Variants in KCND3 observed in about 807,000 individuals in gnomAD.
KCND3 encodes the protein A-type voltage-gated potassium channel KCND3.
A neutral mutation model predicts 51.1 loss-of-function variants in KCND3; 9 were observed. The observed-to-expected ratio is 0.18, with a 90% CI of 0.11 to 0.31. The LOEUF is 0.31. Among genes scored for constraint, KCND3 ranks in the 10% least tolerant of loss-of-function variants. KCND3 has a pLI of 1.00. For missense variants in KCND3, 526 were observed against 903.8 expected (o/e 0.58, Z 5.36); for synonymous variants, 349 against 368.0 (o/e 0.95, Z 0.59).
At chr1:111,953,790 T>TCCATG (rs1187729244) in intron 2 of KCND3, among the ~76,000 whole-genome samples, 11 of 152,298 alleles carry the variant, frequency 7.2e-5, no homozygotes, top group Middle Eastern at 6.8e-3. Context: ...AGTGATAACT[T>TCCATG]CCATGCCCTG....
At chr1:111,809,498 C>T (rs1020350159) in intron 2 of KCND3, among the ~76,000 whole-genome samples, 5 of 151,982 alleles carry the variant, frequency 3.3e-5, no homozygotes, top group Non-Finnish European at 7.4e-5. Flanking sequence ...TTAGTAGAAA[C>T]GGGGTTTCAC....
intron 3 of KCND3, among the ~76,000 whole-genome samples, chr1:111,781,359 ACTTTCT>A (rs1419238285): frequency 1.3e-5 from 2 of 152,118 alleles, no homozygotes; most frequent in Non-Finnish European, 2.9e-5. Context: ...TTTTCTTGAT[ACTTTCT>A]CTTTCTCTTC....
At chr1:111,908,191 A>G (rs1044150761) in intron 2 of KCND3, among the ~76,000 whole-genome samples, 2 of 152,192 alleles carry the variant, frequency 1.3e-5, no homozygotes, top group Non-Finnish European at 2.9e-5. Flanking sequence ...TTTAGCACCT[A>G]TCATATGTCT....
At chr1:111,928,778 T>C (rs1671827109) in intron 2 of KCND3, among the ~76,000 whole-genome samples, 2 of 152,084 alleles carry the variant, frequency 1.3e-5, no homozygotes, top group African/African-American at 4.8e-5. Context: ...TCTCACGCAC[T>C]CCCTACACAG....
At chr1:111,921,376 G>T (rs1462782649) in intron 2 of KCND3, among the ~76,000 whole-genome samples, 1 of 152,174 alleles carries the variant, frequency 6.6e-6, no homozygotes, top group Non-Finnish European at 1.5e-5. Flanking sequence ...TTGGGTCAAG[G>T]CCAGGCGGTT....
At chr1:111,885,256 G>A (rs1420145333) in intron 2 of KCND3, among the ~76,000 whole-genome samples, 2 of 152,114 alleles carry the variant, frequency 1.3e-5, no homozygotes, top group African/African-American at 2.4e-5. Context: ...GATTTATGAC[G>A]GGCATCAGCC....
intron 2 of KCND3, among the ~76,000 whole-genome samples, chr1:111,929,468 T>G (rs1370526467): frequency 2.0e-5 from 3 of 152,214 alleles, no homozygotes; most frequent in African/African-American, 7.2e-5. Context: ...CGAGTGGCAC[T>G]GTTTCATCTT....
At chr1:111,890,836 C>T (rs1039899473) in intron 2 of KCND3, among the ~76,000 whole-genome samples, 6 of 152,094 alleles carry the variant, frequency 3.9e-5, no homozygotes, top group African/African-American at 1.4e-4. Flanking sequence ...AAGAGAATAA[C>T]CAACTGGCTC....
At chr1:111,976,260 A>G (rs1674618319) in intron 2 of KCND3, among the ~76,000 whole-genome samples, 1 of 152,200 alleles carries the variant, frequency 6.6e-6, no homozygotes, top group Admixed American at 6.5e-5. Flanking sequence ...GTCTGCAGGA[A>G]AAAGCGTAGC....
At chr1:111,784,531 G>C (rs1031847150) in intron 3 of KCND3, among the ~76,000 whole-genome samples, 2 of 152,196 alleles carry the variant, frequency 1.3e-5, no homozygotes, top group Non-Finnish European at 2.9e-5. Flanking sequence ...CCAGTCATGG[G>C]AAGAGGATGA....
chr1:111,855,288 G>A (rs1340776556), intron 2 of KCND3, among the ~76,000 whole-genome samples: 2 of 152,186 alleles, frequency 1.3e-5, no homozygotes, highest in African/African-American at 4.8e-5. Context: ...CCCCTCATGG[G>A]GACAAGCCTG....
chr1:111,982,176 A>T lies in KCND3; in HGVS notation c.551T>A (p.Val184Asp). The T allele has an allele frequency of 6.2e-7, 1 of 1,613,928 alleles. No individual in the cohort carries two copies. The highest frequency in any genetic ancestry group is 8.5e-7 in the Non-Finnish European group (1 of 1,179,972). Residue 184 changes from valine (V) to aspartate (D), a missense_variant, in exon 2 of 8, where the codon GTC becomes GAC. By Grantham distance (152) the Val-to-Asp change is radical. Coordinates refer to ENST00000302127, the MANE Select transcript of KCND3 (RefSeq NM_001378969.1). This position sits in a 1 kb window ranked among gnomAD's most constrained non-coding sequence, Gnocchi z 8.5. ...ENPHTSTLAL[V>D]FYYVTGFFIA... ...GAAGAAGCCAGTCACGTAGTAGAAG[A>T]CCAGGGCCAGCGTGCTGGTGTGGGG...
At chr1:111,920,776 A>G (rs1224332674) in intron 2 of KCND3, among the ~76,000 whole-genome samples, 3 of 152,220 alleles carry the variant, frequency 2.0e-5, no homozygotes, top group Non-Finnish European at 4.4e-5. Context: ...CTCCCAAGCA[A>G]CCAACCTCTT....
At chr1:111,955,779 C>T (rs760994517) in intron 2 of KCND3, among the ~76,000 whole-genome samples, 3 of 152,170 alleles carry the variant, frequency 2.0e-5, no homozygotes, top group Non-Finnish European at 4.4e-5. Flanking sequence ...GCCAACATTG[C>T]GTTCAACACC....
intron 2 of KCND3, among the ~76,000 whole-genome samples, chr1:111,896,878 C>T (rs1421308440): frequency 6.6e-6 from 1 of 152,206 alleles, no homozygotes; most frequent in Non-Finnish European, 1.5e-5. Flanking sequence ...ATCATAAGTA[C>T]CTTCCCTATG....
chr1:111,874,972 T>C (rs898760080), intron 2 of KCND3, among the ~76,000 whole-genome samples: 1 of 152,242 alleles, frequency 6.6e-6, no homozygotes, highest in Non-Finnish European at 1.5e-5. Context: ...CAAACTCACA[T>C]GAATTCAATG....
At chr1:111,834,892 A>C (rs1271952391) in intron 2 of KCND3, among the ~76,000 whole-genome samples, 1 of 152,234 alleles carries the variant, frequency 6.6e-6, no homozygotes, top group Admixed American at 6.5e-5. Context: ...GACATGCTTC[A>C]GTCTGTCAAT....
chr1:111,785,520 G>A (rs1421646663), intron 3 of KCND3, among the ~76,000 whole-genome samples: 1 of 152,110 alleles, frequency 6.6e-6, no homozygotes, highest in African/African-American at 2.4e-5. Context: ...GACCAGGTCA[G>A]GATAAATAAA....
At chr1:111,903,349 G>C (rs1193836452) in intron 2 of KCND3, among the ~76,000 whole-genome samples, 6 of 152,226 alleles carry the variant, frequency 3.9e-5, no homozygotes, top group Non-Finnish European at 8.8e-5. Context: ...CACGGATGTA[G>C]TGGGGGAGGG....
Sources: gnomAD v4.1 joint callset for allele counts (sites outside exome capture counted in the v4.1 genomes callset) on GRCh38, gnomAD v4.1.1 for gene constraint, Gnocchi (gnomAD v3.1) non-coding constraint, MANE v1.5 for transcripts, NCBI Gene and HGNC (gene_info 2026-07-23, HGNC 2026-07-21) for gene names.